The following NTRK3 variants were observed in gnomAD, a reference collection of about 807,000 sequenced individuals.
NTRK3 encodes neurotrophic receptor tyrosine kinase 3, also known as NT-3 growth factor receptor.
Under a neutral mutation model 91.7 loss-of-function variants are expected in NTRK3, and 24 were observed. The ratio of observed to expected loss-of-function variants is 0.26; its 90% CI spans 0.19 to 0.37. The LOEUF is 0.37. Among genes scored for constraint, NTRK3 ranks in the 10% least tolerant of loss-of-function variants. NTRK3 has a pLI of 1.00. For synonymous variants in NTRK3, 483 were observed against 404.0 expected (o/e 1.20, Z -2.34); for missense variants, 880 against 1,068.9 (o/e 0.82, Z 2.46).
intron 14 of NTRK3, among the ~76,000 whole-genome samples, chr15:87,995,838 G>A (rs1463380640): frequency 6.6e-6 from 1 of 152,200 alleles, no homozygotes; most frequent in East Asian, 1.9e-4. Context: ...TGCAATGAAT[G>A]AACATGGCTG....
intron 14 of NTRK3, chr15:87,979,032 T>A (rs2141342421): frequency 4.3e-6 from 2 of 461,302 alleles, no homozygotes; most frequent in African/African-American, 1.9e-5. Context: ...GAATGGCTAG[T>A]GTATTTAAAA....
At chr15:87,959,960 G>A (rs1317469933) in intron 14 of NTRK3, among the ~76,000 whole-genome samples, 1 of 152,240 alleles carries the variant, frequency 6.6e-6, no homozygotes, top group Non-Finnish European at 1.5e-5. Flanking sequence ...GAAGGAGGTT[G>A]CCTGCTGCCT....
intron 10 of NTRK3, among the ~76,000 whole-genome samples, chr15:88,133,654 C>A (rs2041603061): frequency 6.6e-6 from 1 of 152,188 alleles, no homozygotes; most frequent in Non-Finnish European, 1.5e-5. Flanking sequence ...ACCATAAGAG[C>A]AAAATATCTC....
At chr15:87,888,120 C>T (rs115102210) in intron 17 of NTRK3, among the ~76,000 whole-genome samples, 1,661 of 152,198 alleles carry the variant, frequency 0.011, 32 homozygotes, top group African/African-American at 0.037. Context: ...TACCTTCCAC[C>T]GATCATTGCC....
At chr15:87,981,085 C>A (rs2074218180) in intron 14 of NTRK3, 1 of 1,331,596 alleles carries the variant, frequency 7.5e-7, no homozygotes, top group Non-Finnish European at 1.0e-6. Flanking sequence ...TTTTTTAGTA[C>A]CAAATCCCGT....
At chr15:88,037,978 C>G (rs1239360450) in intron 13 of NTRK3, among the ~76,000 whole-genome samples, 1 of 152,196 alleles carries the variant, frequency 6.6e-6, no homozygotes, top group African/African-American at 2.4e-5. Flanking sequence ...GGCTCCGGAG[C>G]CTGTGCTCAT....
chr15:88,103,706 A>G (rs1171642317), intron 13 of NTRK3, among the ~76,000 whole-genome samples: 1 of 152,200 alleles, frequency 6.6e-6, no homozygotes, highest in Non-Finnish European at 1.5e-5. Flanking sequence ...ACAGTTCTTC[A>G]GTGCCATGCT....
chr15:87,874,694 G>T (rs188593378), exon 19 of NTRK3: 1 of 232,520 alleles, frequency 4.3e-6, no homozygotes, highest in Non-Finnish European at 8.5e-6. Flanking sequence ...TCCCTCAGGC[G>T]CCTCCAGACC....
chr15:87,912,923 T>TAAAAAA (rs71460480), intron 17 of NTRK3, among the ~76,000 whole-genome samples: 10 of 39,792 alleles, frequency 2.5e-4, no homozygotes, highest in East Asian at 7.4e-4. Flanking sequence ...TTTCAAAAAG[T>TAAAAAA]AAAAAAAAAT....
At chr15:87,875,492 T>C (rs1338445956) in exon 19 of NTRK3, 2 of 232,122 alleles carry the variant, frequency 8.6e-6, no homozygotes, top group East Asian at 6.1e-5. Context: ...TCAGGCCTCA[T>C]TAAGATTCCA....
intron 5 of NTRK3, among the ~76,000 whole-genome samples, chr15:88,177,788 A>G (rs1467964374): frequency 2.6e-5 from 4 of 152,224 alleles, no homozygotes; most frequent in Non-Finnish European, 5.9e-5. Flanking sequence ...ATTCTAAACA[A>G]TTGGAGACCA....
intron 14 of NTRK3, among the ~76,000 whole-genome samples, chr15:87,997,175 TC>T (rs1051988888): frequency 6.6e-6 from 1 of 152,158 alleles, no homozygotes; most frequent in African/African-American, 2.4e-5. Flanking sequence ...TAACTATACT[TC>T]CCTTGGAGAC....
chr15:88,228,952 G>A (rs1288670051), intron 3 of NTRK3, among the ~76,000 whole-genome samples: 1 of 152,126 alleles, frequency 6.6e-6, no homozygotes, highest in Non-Finnish European at 1.5e-5. Flanking sequence ...CCTCTGGGGA[G>A]CTCCCTCCTT....
chr15:88,075,177 G>A (rs1310993397), intron 13 of NTRK3, among the ~76,000 whole-genome samples: 2 of 152,176 alleles, frequency 1.3e-5, no homozygotes, highest in Non-Finnish European at 2.9e-5. Flanking sequence ...TGGATCAGCT[G>A]GGCCTCCCTG....
intron 9 of NTRK3, 134 bp from the exon 10 acceptor site, chr15:88,135,531 A>G: frequency 9.8e-7 from 1 of 1,020,762 alleles, no homozygotes; most frequent in Admixed American, 2.0e-5. Context: ...CAGAAGTCCC[A>G]CCACAATCCC....
chr15:87,971,709 C>A (rs1337425368), intron 14 of NTRK3, among the ~76,000 whole-genome samples: 1 of 152,188 alleles, frequency 6.6e-6, no homozygotes, highest in African/African-American at 2.4e-5. Flanking sequence ...CCGACACGCT[C>A]AAGAACCTAG....
At chr15:87,945,589 G>T (rs1355327614) in intron 14 of NTRK3, among the ~76,000 whole-genome samples, 1 of 151,504 alleles carries the variant, frequency 6.6e-6, no homozygotes, top group Non-Finnish European at 1.5e-5. Context: ...GTTCCCCTTG[G>T]CTGCCCTGTG....
intron 3 of NTRK3, among the ~76,000 whole-genome samples, chr15:88,217,386 G>T (rs2049874695): frequency 6.6e-6 from 1 of 152,148 alleles, no homozygotes; most frequent in Non-Finnish European, 1.5e-5. Flanking sequence ...AACAAAATGT[G>T]GTAAATACAC....
chr15:88,032,456 C>G (rs2078630902), intron 14 of NTRK3, among the ~76,000 whole-genome samples: 1 of 152,084 alleles, frequency 6.6e-6, no homozygotes, highest in African/African-American at 2.4e-5. Flanking sequence ...TTCCCTTCCC[C>G]CTCATGGAGG....
Sources: allele counts gnomAD v4.1 joint callset (sites outside exome capture counted in the v4.1 genomes callset), GRCh38; gene constraint gnomAD v4.1.1; transcripts MANE v1.5; gene names NCBI Gene and HGNC (gene_info 2026-07-23, HGNC 2026-07-21).